The following RFX7 variants were observed in gnomAD, a reference collection of about 807,000 sequenced individuals.
RFX7 encodes DNA-binding protein RFX7.
RFX7 carries 26 observed loss-of-function variants against 111.8 expected under a neutral mutation model. That is an observed-to-expected ratio of 0.23 (90% confidence interval 0.17 to 0.32). The LOEUF (loss-of-function observed/expected upper bound fraction) is 0.32, where lower values mean the gene tolerates loss of function less well. Ranked by LOEUF, RFX7 falls within the 10% of genes least tolerant of loss-of-function variation. The probability of loss-of-function intolerance (pLI) is 1.00; values close to 1 mark genes in which losing one functional copy is unlikely to be tolerated. For synonymous variants in RFX7, 624 were observed against 624.4 expected (o/e 1.00, Z 0.01); for missense variants, 1,573 against 1,772.9 (o/e 0.89, Z 2.02).
chr15:56,199,745 C>T (rs539161315), intron 2 of RFX7, among the ~76,000 whole-genome samples: 25 of 151,762 alleles, frequency 1.6e-4, no homozygotes, highest in African/African-American at 6.0e-4. Context: ...TAGCTATATG[C>T]CCTTGACTTA....
rs35607436 is a variant in RFX7, at chr15:56,226,010, C to T, written c.161+17115G>A. Among the ~76,000 whole-genome samples, 22 of 150,882 alleles carry T rather than the reference C, an allele frequency of 1.5e-4. No homozygotes were observed. The East Asian group carries it at 3.7e-3, about 25-fold the overall frequency. Reference sequence around the variant, plus strand: ...ACAGAGAAAAAATATAAAAAGAGGACGGGAAAAGGGTAAGAACAAGAGAGG... The same window carrying T: ...ACAGAGAAAAAATATAAAAAGAGGATGGGAAAAGGGTAAGAACAAGAGAGG... On this transcript the variant is annotated intron_variant, in intron 2 of 9. Transcript: ENST00000559447.
intron 2 of RFX7, among the ~76,000 whole-genome samples, chr15:56,218,991 C>T (rs1365435063): frequency 1.3e-5 from 2 of 152,228 alleles, no homozygotes; most frequent in South Asian, 2.1e-4. Context: ...AAGTAGTGAG[C>T]AGGATGACAC....
chr15:56,103,061 G>A (rs549597926), intron 6 of RFX7, among the ~76,000 whole-genome samples: 2 of 151,232 alleles, frequency 1.3e-5, no homozygotes, highest in African/African-American at 4.9e-5. Context: ...ATTTTAATAT[G>A]GGCTTTAAAT....
intron 5 of RFX7, among the ~76,000 whole-genome samples, chr15:56,139,018 A>T (rs1254001771): frequency 4.6e-5 from 7 of 151,392 alleles, no homozygotes; most frequent in African/African-American, 1.7e-4. Flanking sequence ...ATTGAGGGTA[A>T]CCCGACCTTT....
At chr15:56,189,155 G>A (rs2043074898) in intron 2 of RFX7, among the ~76,000 whole-genome samples, 1 of 152,176 alleles carries the variant, frequency 6.6e-6, no homozygotes. Context: ...GGGAAGCCAA[G>A]GCGGAAAAAT....
chr15:56,199,004 A>G (rs1293499637), intron 2 of RFX7, among the ~76,000 whole-genome samples: 1 of 114,052 alleles, frequency 8.8e-6, no homozygotes, highest in Non-Finnish European at 1.9e-5. Flanking sequence ...CTGACAAAGA[A>G]AAAAAAAAAA....
At chr15:56,203,876 A>G (rs2043221824) in intron 2 of RFX7, among the ~76,000 whole-genome samples, 1 of 152,196 alleles carries the variant, frequency 6.6e-6, no homozygotes, top group Non-Finnish European at 1.5e-5. Flanking sequence ...CTCTGTCTAT[A>G]CAGAAGCTAT....
intron 5 of RFX7, among the ~76,000 whole-genome samples, chr15:56,117,082 C>G (rs1349297349): frequency 6.6e-6 from 1 of 152,094 alleles, no homozygotes; most frequent in Non-Finnish European, 1.5e-5. Context: ...GTTTCTGAAT[C>G]TGGATGCTGG....
chr15:56,139,245 A>G (rs2042351700), intron 5 of RFX7, among the ~76,000 whole-genome samples: 1 of 150,778 alleles, frequency 6.6e-6, no homozygotes, highest in Admixed American at 6.6e-5. Flanking sequence ...CATCACTTTC[A>G]GGTACACCAA....
intron 2 of RFX7, among the ~76,000 whole-genome samples, chr15:56,239,061 T>C (rs1488126911): frequency 1.3e-5 from 2 of 152,072 alleles, no homozygotes; most frequent in African/African-American, 4.8e-5. Flanking sequence ...CGCAAACTCC[T>C]GAACTCAGGC....
At chr15:56,128,986 A>T (rs2042179044) in intron 5 of RFX7, among the ~76,000 whole-genome samples, 1 of 152,186 alleles carries the variant, frequency 6.6e-6, no homozygotes, top group Admixed American at 6.5e-5. Flanking sequence ...GCAAAAGAAG[A>T]TTAAGATGTA....
At chr15:56,223,812 T>C (rs139267580) in intron 2 of RFX7, among the ~76,000 whole-genome samples, 12 of 152,294 alleles carry the variant, frequency 7.9e-5, no homozygotes, top group African/African-American at 2.4e-4. Flanking sequence ...TGTTTTGTTT[T>C]TTCCCCCATT....
chr15:56,140,412 G>A (rs377589029), intron 5 of RFX7, among the ~76,000 whole-genome samples: 68 of 152,298 alleles, frequency 4.5e-4, no homozygotes, highest in East Asian at 2.5e-3. Flanking sequence ...TCTTTGACTC[G>A]GAAAGGGAAC....
At chr15:56,125,011 A>G (rs1226668022) in intron 5 of RFX7, among the ~76,000 whole-genome samples, 1 of 152,126 alleles carries the variant, frequency 6.6e-6, no homozygotes, top group Non-Finnish European at 1.5e-5. Context: ...TCTTTGATCC[A>G]TTTTGAGTTA....
intron 5 of RFX7, among the ~76,000 whole-genome samples, chr15:56,117,497 G>GGAAC (rs1246061883): frequency 6.6e-6 from 1 of 152,010 alleles, no homozygotes; most frequent in East Asian, 1.9e-4. Context: ...ATTTGTGTTG[G>GGAAC]GAACATTCAA....
chr15:56,159,088 T>C (rs1299990336), intron 3 of RFX7, among the ~76,000 whole-genome samples: 1 of 152,212 alleles, frequency 6.6e-6, no homozygotes. Context: ...AGTGAGATCA[T>C]GCATTATTTG....
At chr15:56,242,968 CTCCAGAGA>C (rs2043721637) in intron 2 of RFX7, among the ~76,000 whole-genome samples, 149 bp downstream of exon 2, 1 of 152,186 alleles carries the variant, frequency 6.6e-6, no homozygotes, top group African/African-American at 2.4e-5. Flanking sequence ...GTCCGCACAC[CTCCAGAGA>C]TCCTACAAAT....
At chr15:56,153,478 A>C (rs2042605106) in intron 3 of RFX7, among the ~76,000 whole-genome samples, 1 of 152,160 alleles carries the variant, frequency 6.6e-6, no homozygotes, top group East Asian at 1.9e-4. Context: ...ATCCATCCAC[A>C]TAAATCAATA....
Position 56,188,092 on chromosome 15 carries a change from A to G in RFX7, c.162-8789T>C, listed in dbSNP as rs557829250. On this transcript the variant is annotated intron_variant, in intron 2 of 9. Coordinates refer to ENST00000559447, the MANE Select transcript of RFX7 (RefSeq NM_022841.7). The stretch of plus-strand genomic sequence containing the variant: ...AAATATGGTCATAATAAATGTTCGC[A>G]TGGGGAAATCTCAGCTGAAAAATGG... Among the ~76,000 whole-genome samples the G allele has an allele frequency of 9.8e-5, 15 of 152,328 alleles. No individual in the cohort carries two copies. The South Asian group carries it at 3.1e-3, about 32-fold the overall frequency.
Sources: allele counts gnomAD v4.1 joint callset (sites outside exome capture counted in the v4.1 genomes callset), GRCh38; gene constraint gnomAD v4.1.1; transcripts MANE v1.5; gene names NCBI Gene and HGNC (gene_info 2026-07-23, HGNC 2026-07-21).